Variants in CTSH observed in about 807,000 individuals in gnomAD.
The protein encoded by CTSH is cathepsin H.
CTSH carries 52 observed loss-of-function variants against 56.3 expected under a neutral mutation model. The ratio of observed to expected loss-of-function variants is 0.92; its 90% CI spans 0.74 to 1.16. The LOEUF (loss-of-function observed/expected upper bound fraction) is 1.16. Ranked by LOEUF, CTSH falls within the 50% of genes most tolerant of loss-of-function variation. The probability of loss-of-function intolerance (pLI) is 0.00; values close to 1 mark genes in which losing one functional copy is unlikely to be tolerated. For missense variants in CTSH, 406 were observed against 424.5 expected (o/e 0.96, Z 0.38); for synonymous variants, 174 against 155.7 (o/e 1.12, Z -0.88).
In CTSH at chr15:78,932,467, G is replaced by A; in HGVS notation, c.406-9C>T. 1.2e-6 allele frequency: 2 copies of A among 1,609,370 alleles called. No individual in the cohort carries two copies. The highest frequency in any genetic ancestry group is 1.7e-6 in the Non-Finnish European group (2 of 1,175,922). On this transcript the variant is annotated splice_polypyrimidine_tract_variant and intron_variant, in intron 5 of 11. Coordinates refer to ENST00000220166, the MANE Select transcript of CTSH (RefSeq NM_004390.5). ...CAACTGCCGCAGGCACCCTGGAAAG[G>A]CCAGGGGAGAGCAGAGGACATCAGT...
At chr15:78,944,646 G>A in intron 1 of CTSH, 1 of 561,722 alleles carries the variant, frequency 1.8e-6, no homozygotes, top group South Asian at 4.2e-5. Flanking sequence ...AGAGCCACCT[G>A]GCTAGGTGGG....
intron 9 of CTSH, chr15:78,926,884 CAAGTT>C (rs922520160): frequency 2.6e-5 from 4 of 152,200 alleles, no homozygotes; most frequent in Admixed American, 2.0e-4. Context: ...AGTACTCCAT[CAAGTT>C]AAGATGTTAT....
intron 9 of CTSH, chr15:78,925,859 A>T (rs1224218307): frequency 2.3e-5 from 4 of 175,608 alleles, no homozygotes; most frequent in Non-Finnish European, 1.2e-5. Context: ...GAGAAGACCC[A>T]TCCGAGGGCT....
At chr15:78,922,242 C>T (rs1397603825) in intron 11 of CTSH, 37 bp from the exon 12 acceptor site, 16 of 1,518,940 alleles carry the variant, frequency 1.1e-5, no homozygotes, top group Middle Eastern at 3.9e-4. Context: ...GGCCGGCGGT[C>T]TCCCCACCAC....
At chr15:78,922,232 G>A (rs566426571) in intron 11 of CTSH, 27 bp from the exon 12 acceptor site, 12 of 1,552,292 alleles carry the variant, frequency 7.7e-6, no homozygotes, top group East Asian at 4.8e-5. Flanking sequence ...GCTGAGGCCC[G>A]GCCGGCGGTC....
At chr15:78,935,141 C>G in intron 4 of CTSH, 59 bp from the exon 5 acceptor site, 4 of 1,155,374 alleles carry the variant, frequency 3.5e-6, no homozygotes, top group Non-Finnish European at 5.2e-6. Flanking sequence ...ACCTTTCTGA[C>G]AACAAGAAGA....
rs150264861 is a variant in CTSH at position 78,922,018 on chromosome 15, T to C, written c.*112A>G. ...TGGGCACAGAGGTGAGGGCAGAATGTTGGGGGTCCCAGTGGATCTCCCCAC... is the reference window on the plus strand; with the variant it reads ...TGGGCACAGAGGTGAGGGCAGAATGCTGGGGGTCCCAGTGGATCTCCCCAC... On this transcript the variant is annotated 3_prime_UTR_variant, in exon 12 of 12. Transcript: ENST00000220166. 5 of 968,954 alleles carry C rather than the reference T, an allele frequency of 5.2e-6. No homozygotes were observed. The East Asian group carries it at 1.3e-4, about 25-fold the overall frequency. 60.0% of individuals were successfully genotyped at this position (968,954 alleles called of 1,614,324 possible).
At chr15:78,931,906 C>T (rs749747847) in intron 6 of CTSH, 54 of 1,199,284 alleles carry the variant, frequency 4.5e-5, no homozygotes, top group Middle Eastern at 7.2e-4. Context: ...ATCACCAGGC[C>T]GGCTGTGCAC....
rs2055366940 is a variant in CTSH at position 78,944,935 on chromosome 15, C to CCCAGGAG, written c.40_46dup (p.Gly16AlafsTer28). On this transcript the variant is annotated frameshift_variant, in exon 1 of 12. Coordinates refer to ENST00000220166, the MANE Select transcript of CTSH (RefSeq NM_004390.5). LOFTEE classifies it high-confidence loss of function. The stretch of plus-strand genomic sequence containing the variant: ...TTCGGCGGCACCGCAGACGGGGACT[C>CCCAGGAG]CCAGGAGCCAGGCCCCGGCGCAGAG... 1 of 1,548,486 alleles carries CCCAGGAG rather than the reference C, an allele frequency of 6.5e-7. No individual in the cohort carries two copies. The highest frequency in any genetic ancestry group is 2.0e-5 in the Admixed American group (1 of 50,872).
chr15:78,933,057 C>T (rs951393448), intron 5 of CTSH, among the ~76,000 whole-genome samples: 4 of 152,230 alleles, frequency 2.6e-5, no homozygotes, highest in Admixed American at 6.5e-5. Context: ...ACCCAGACAC[C>T]CCTGACACCC....
rs2054812350 is a variant in CTSH, at chr15:78,923,098, G to T, written c.827C>A (p.Pro276Gln). 1 of 1,612,264 alleles carries T rather than the reference G, an allele frequency of 6.2e-7. No individual in the cohort carries two copies. The change falls in exon 11 of 12, where the codon CCA (proline) becomes CAA (glutamine). Residue 276 changes from proline (P) to glutamine (Q), a missense_variant. Pro to Gln is a moderately conservative substitution (Grantham distance 76). Coordinates refer to ENST00000220166, the MANE Select transcript of CTSH (RefSeq NM_004390.5). The stretch of plus-strand genomic sequence containing the variant: ...CAGTACTGCATGGTTTACTTTATCT[G>T]GAGTTTTATGGCAGGAAGTACTGGA... ...IYSSTSCHKT[P>Q]DKVNHAVLAV... is the part of the protein sequence containing the mutation.
chr15:78,924,599 A>C (rs1007400729), intron 10 of CTSH, among the ~76,000 whole-genome samples: 2 of 152,126 alleles, frequency 1.3e-5, no homozygotes, highest in African/African-American at 4.8e-5. Flanking sequence ...TTTTCTGAAG[A>C]AGCCTGGGGT....
chr15:78,929,269 G>A (rs1007444951), intron 8 of CTSH, 143 bp downstream of exon 8: 4 of 705,290 alleles, frequency 5.7e-6, no homozygotes, highest in African/African-American at 5.4e-5. Context: ...GGAGGGGAAG[G>A]AAGAATTTGG....
At chr15:78,924,692 A>AT (rs557517206) in intron 10 of CTSH, among the ~76,000 whole-genome samples, 72,275 of 144,810 alleles carry the variant, frequency 0.5, 18,094 homozygotes, top group Middle Eastern at 0.58. Flanking sequence ...AAACATGGGT[A>AT]TTTTTTTTTT....
chr15:78,936,180 C>CTTTTT (rs66819363), intron 3 of CTSH, among the ~76,000 whole-genome samples: 69 of 90,816 alleles, frequency 7.6e-4, no homozygotes, highest in African/African-American at 9.1e-4. Flanking sequence ...CTTTTCTTTT[C>CTTTTT]TTTTTTTTTT....
Position 78,922,010 on chromosome 15 carries a change from G to T in CTSH, c.*120C>A. ...TTCCAGGCTGGGCACAGAGGTGAGG[G>T]CAGAATGTTGGGGGTCCCAGTGGAT... On this transcript the variant is annotated 3_prime_UTR_variant, in exon 12 of 12. Transcript: ENST00000220166. 1 of 881,554 alleles carries T rather than the reference G, an allele frequency of 1.1e-6. No homozygotes were observed. The highest frequency in any genetic ancestry group is 1.8e-6 in the Non-Finnish European group (1 of 561,244). The allele number at this position is 881,554 out of a possible 1,614,324, so 54.6% of individuals were successfully genotyped here.
rs994708135 is a variant in CTSH at position 78,922,107 on chromosome 15, G to A, written c.*23C>T. ...TGCCCGTTCCTCTCCTTCTCCGCCA[G>A]TCTGCGCTGCGGCTGCCACGGCTCA... On this transcript the variant is annotated 3_prime_UTR_variant, in exon 12 of 12. Transcript: ENST00000220166. 2.7e-5 allele frequency: 42 copies of A among 1,552,010 alleles called. No individual in the cohort carries two copies. Among genetic ancestry groups the A allele is most frequent in the Non-Finnish European group, 3.6e-5 (41 of 1,148,006 alleles).
chr15:78,922,325 A>G, intron 11 of CTSH, 120 bp from the exon 12 acceptor site: 2 of 753,896 alleles, frequency 2.7e-6, no homozygotes, highest in East Asian at 2.7e-5. Context: ...TTTATTCATA[A>G]AACAGTAGCA....
intron 10 of CTSH, among the ~76,000 whole-genome samples, chr15:78,923,809 A>G (rs1305890156): frequency 6.6e-6 from 1 of 152,210 alleles, no homozygotes; most frequent in Non-Finnish European, 1.5e-5. Context: ...TGGCAAAAAT[A>G]CAACTTTTTC....
Sources: allele counts gnomAD v4.1 joint callset (sites outside exome capture counted in the v4.1 genomes callset), GRCh38; gene constraint gnomAD v4.1.1; transcripts MANE v1.5; gene names NCBI Gene and HGNC (gene_info 2026-07-23, HGNC 2026-07-21).